ZDHHC24: variants seen among roughly 807,000 people sequenced by gnomAD.
The protein encoded by ZDHHC24 is probable palmitoyltransferase ZDHHC24.
In ZDHHC24, 17 loss-of-function variants were observed where a neutral mutation model predicts 23.2. The observed-to-expected ratio is 0.73, with a 90% CI of 0.50 to 1.10. ZDHHC24 has a LOEUF of 1.10. Among genes scored for constraint, ZDHHC24 ranks in the 50% least tolerant of loss-of-function variants. ZDHHC24 has a pLI of 0.00. For missense variants in ZDHHC24, 366 were observed against 393.0 expected, an observed-to-expected ratio of 0.93 and a Z score of 0.58; for synonymous variants, 186 against 194.5, an observed-to-expected ratio of 0.96 and a Z score of 0.36.
In ZDHHC24 at chr11:66,538,251, G is replaced by C. The variant is rs1293533483; in HGVS notation, c.*1278C>G. 1 of 151,940 alleles carries C rather than the reference G, an allele frequency of 6.6e-6. No individual in the cohort carries two copies. The highest frequency in any genetic ancestry group is 1.5e-5 in the Non-Finnish European group (1 of 67,996). 9.4% of individuals were successfully genotyped at this position (151,940 alleles called of 1,614,324 possible). On this transcript the variant is annotated 3_prime_UTR_variant, in exon 3 of 3. Coordinates refer to ENST00000310442, the MANE Select transcript of ZDHHC24 (RefSeq NM_207340.3). ...GTCTCTACTAAAAATACAAAAATTAGCCAGGAATGGTGGCGGGCACCTGTA... is the reference window on the plus strand; with the variant it reads ...GTCTCTACTAAAAATACAAAAATTACCCAGGAATGGTGGCGGGCACCTGTA...
At chr11:66,542,162 C>G (rs1252898652) in intron 2 of ZDHHC24, among the ~76,000 whole-genome samples, 1 of 151,962 alleles carries the variant, frequency 6.6e-6, no homozygotes, top group East Asian at 1.9e-4. Context: ...TGTGGGAGAG[C>G]AGGGAAGGTT....
chr11:66,531,040 T>C, downstream of ZDHHC24: 2 of 1,614,124 alleles, frequency 1.2e-6, no homozygotes, highest in Non-Finnish European at 1.7e-6. Context: ...TACTGGATGC[T>C]CCTCACTTAG....
chr11:66,532,174 CA>C, downstream of ZDHHC24: 1 of 894,710 alleles, frequency 1.1e-6, no homozygotes, highest in Non-Finnish European at 1.7e-6. Context: ...CCCGCTTCCT[CA>C]CCACCCCCAC....
chr11:66,530,317 T>C (rs1856718978), intron 2 of ZDHHC24, among the ~76,000 whole-genome samples: 1 of 151,824 alleles, frequency 6.6e-6, no homozygotes, highest in African/African-American at 2.4e-5. Flanking sequence ...CAGCCCAACG[T>C]GTTAGGACTG....
At chr11:66,529,821 A>G in intron 2 of ZDHHC24, 1 of 1,610,888 alleles carries the variant, frequency 6.2e-7, no homozygotes, top group African/African-American at 1.3e-5. Flanking sequence ...CTCCACAGCC[A>G]TGCACCGGGC....
At chr11:66,529,887 G>A (rs767817283) in intron 2 of ZDHHC24, 1 of 1,609,160 alleles carries the variant, frequency 6.2e-7, no homozygotes, top group African/African-American at 1.3e-5. Context: ...CTACCTGCAG[G>A]CCCTCGAGTC....
At chr11:66,544,487 T>C (rs1857252589) in intron 1 of ZDHHC24, among the ~76,000 whole-genome samples, 1 of 152,148 alleles carries the variant, frequency 6.6e-6, no homozygotes, top group African/African-American at 2.4e-5. Flanking sequence ...TCCCCTCTCT[T>C]ACTGCACTCC....
intron 4 of ZDHHC24, chr11:66,522,755 C>A: frequency 4.3e-6 from 1 of 231,952 alleles, no homozygotes; most frequent in Non-Finnish European, 8.6e-6. Context: ...GGTCCCTGTC[C>A]TCATGGCGAA....
At chr11:66,524,959 G>A (rs1345240250) in intron 4 of ZDHHC24, among the ~76,000 whole-genome samples, 2 of 152,084 alleles carry the variant, frequency 1.3e-5, no homozygotes, top group African/African-American at 2.4e-5. Context: ...CCAGCACTTT[G>A]GGAGGCCGAG....
downstream of ZDHHC24, among the ~76,000 whole-genome samples, chr11:66,534,755 G>T (rs921555065): frequency 6.6e-6 from 1 of 152,072 alleles, no homozygotes; most frequent in South Asian, 2.1e-4. Context: ...GAGTGCAGTG[G>T]CGCGGTCTCG....
downstream of ZDHHC24, chr11:66,531,688 C>A (rs770947454): frequency 6.2e-7 from 1 of 1,614,100 alleles, no homozygotes; most frequent in Non-Finnish European, 8.5e-7. Flanking sequence ...TCAACTACCC[C>A]CTGGAGACCT....
At chr11:66,532,200 T>C, downstream of ZDHHC24, 2 of 729,700 alleles carry the variant, frequency 2.7e-6, no homozygotes, top group Non-Finnish European at 4.5e-6. Flanking sequence ...GGGCCTATAG[T>C]AGCAGGTTAG....
At chr11:66,529,749 G>C (rs2134830147) in intron 2 of ZDHHC24, 2 of 1,584,638 alleles carry the variant, frequency 1.3e-6, no homozygotes, top group Non-Finnish European at 1.7e-6. Context: ...CTGAGCAGGA[G>C]TGCCCCGTTG....
At chr11:66,544,071 G>A (rs902967136) in intron 1 of ZDHHC24, 90 bp from the exon 2 acceptor site, 2 of 1,525,156 alleles carry the variant, frequency 1.3e-6, no homozygotes, top group East Asian at 4.5e-5. Flanking sequence ...TCCTGCGGAA[G>A]TGGCAACAGC....
At chr11:66,532,265 C>A (rs891087059), downstream of ZDHHC24, 1 of 582,134 alleles carries the variant, frequency 1.7e-6, no homozygotes, top group African/African-American at 1.9e-5. Flanking sequence ...CATGGTCCCA[C>A]TGAAGTCCTA....
chr11:66,527,207 C>CA (rs201003949), intron 3 of ZDHHC24: 54,659 of 417,470 alleles, frequency 0.13, 889 homozygotes, highest in African/African-American at 0.23. Context: ...ACTTCTTTCT[C>CA]AAAAAAAAAA....
chr11:66,539,206 C>T lies in ZDHHC24; in HGVS notation c.*323G>A. Reference sequence around the variant, plus strand: ...CAGGCCCTACAGAGGGTCCCAGAAACAGCCCCAGCAACAAAGTGAGGGGCC... The same window carrying T: ...CAGGCCCTACAGAGGGTCCCAGAAATAGCCCCAGCAACAAAGTGAGGGGCC... On this transcript the variant is annotated 3_prime_UTR_variant, in exon 3 of 3. Transcript: ENST00000310442. The T allele has an allele frequency of 9.5e-7, 1 of 1,057,584 alleles. No individual in the cohort carries two copies. Among genetic ancestry groups the T allele is most frequent in the South Asian group, 4.4e-5 (1 of 22,978 alleles). The allele number at this position is 1,057,584 out of a possible 1,614,324, so 65.5% of individuals were successfully genotyped here.
At position 66,538,119 on chromosome 11, in the gene ZDHHC24, C is replaced by T. The variant is rs994639559; in HGVS notation, c.*1410G>A. 1 of 151,796 alleles carries T rather than the reference C, an allele frequency of 6.6e-6. No homozygotes were observed. Among genetic ancestry groups the T allele is most frequent in the Non-Finnish European group, 1.5e-5 (1 of 67,968 alleles). The allele number at this position is 151,796 out of a possible 1,614,324, so 9.4% of individuals were successfully genotyped here. ...TACAAAAAAATTAGCTGGGCATGGC[C>T]AGGCGCAATGGCTCACACCTGTAAT... On this transcript the variant is annotated 3_prime_UTR_variant, in exon 3 of 3. Coordinates refer to ENST00000310442, the MANE Select transcript of ZDHHC24 (RefSeq NM_207340.3).
chr11:66,542,988 G>A (rs935897620), intron 2 of ZDHHC24, among the ~76,000 whole-genome samples: 50 of 152,250 alleles, frequency 3.3e-4, no homozygotes, highest in African/African-American at 1.0e-3. Flanking sequence ...GTGACTACCC[G>A]GAGTAGCCGG....
Sources: allele counts gnomAD v4.1 joint callset (sites outside exome capture counted in the v4.1 genomes callset), GRCh38; gene constraint gnomAD v4.1.1; transcripts MANE v1.5; gene names NCBI Gene and HGNC (gene_info 2026-07-23, HGNC 2026-07-21).